Variants in GRID2 observed in about 807,000 individuals in gnomAD.
GRID2 encodes the protein glutamate receptor ionotropic, delta-2.
Under a neutral mutation model 114.8 loss-of-function variants are expected in GRID2, and 33 were observed. The observed-to-expected ratio is 0.29, with a 90% CI of 0.22 to 0.38. GRID2 has a LOEUF of 0.38. GRID2 is among the 10% of genes least tolerant of loss of function. The probability of loss-of-function intolerance (pLI) is 1.00; values close to 1 mark genes in which losing one functional copy is unlikely to be tolerated. For synonymous variants in GRID2, 505 were observed against 449.9 expected, an observed-to-expected ratio of 1.12 and a Z score of -1.55; for missense variants, 1,184 against 1,257.7, an observed-to-expected ratio of 0.94 and a Z score of 0.89.
At chr4:93,322,822 T>C (rs1429173596) in intron 8 of GRID2, among the ~76,000 whole-genome samples, 4 of 152,138 alleles carry the variant, frequency 2.6e-5, no homozygotes, top group Non-Finnish European at 4.4e-5. Context: ...TTTCATGTGT[T>C]TTTTGGCTGC....
At chr4:92,637,689 T>C (rs1357808347) in intron 2 of GRID2, among the ~76,000 whole-genome samples, 1 of 152,040 alleles carries the variant, frequency 6.6e-6, no homozygotes, top group African/African-American at 2.4e-5. Flanking sequence ...ACTTTAATCA[T>C]TGAACTTATT....
At chr4:93,723,391 C>G (rs1336602904) in intron 14 of GRID2, among the ~76,000 whole-genome samples, 1 of 152,142 alleles carries the variant, frequency 6.6e-6, no homozygotes. Flanking sequence ...CTGCATTTTA[C>G]AGACACAGGC....
intron 14 of GRID2, among the ~76,000 whole-genome samples, chr4:93,685,767 A>C (rs1317256160): frequency 6.6e-6 from 1 of 152,086 alleles, no homozygotes; most frequent in Admixed American, 6.6e-5. Flanking sequence ...ATAAGGGAGC[A>C]GACTCTAGAA....
chr4:92,492,506 A>G (rs866613182), intron 1 of GRID2, among the ~76,000 whole-genome samples: 2 of 152,216 alleles, frequency 1.3e-5, no homozygotes, highest in Non-Finnish European at 2.9e-5. Flanking sequence ...ATTGGTTAGC[A>G]TCCACATATT....
intron 2 of GRID2, among the ~76,000 whole-genome samples, chr4:92,791,765 C>A (rs1027924938): frequency 5.9e-5 from 9 of 151,766 alleles, no homozygotes; most frequent in African/African-American, 1.9e-4. Flanking sequence ...ACAGCAGTAA[C>A]CCTTTCTTTA....
At chr4:93,408,377 T>C (rs945415744) in intron 9 of GRID2, among the ~76,000 whole-genome samples, 2 of 152,120 alleles carry the variant, frequency 1.3e-5, no homozygotes, top group African/African-American at 4.8e-5. Flanking sequence ...TTTTCTTTTT[T>C]TTTTTAATCA....
At chr4:92,361,123 AGG>A (rs1728599206) in intron 1 of GRID2, among the ~76,000 whole-genome samples, 1 of 152,000 alleles carries the variant, frequency 6.6e-6, no homozygotes, top group South Asian at 2.1e-4. Flanking sequence ...CCATTAGGTT[AGG>A]TACTATTATT....
At chr4:92,722,598 G>A (rs549181532) in intron 2 of GRID2, among the ~76,000 whole-genome samples, 1 of 152,116 alleles carries the variant, frequency 6.6e-6, no homozygotes, top group East Asian at 1.9e-4. Context: ...AAGAAATAAG[G>A]AAAGTTTCAA....
chr4:93,004,172 C>T (rs1044893609), intron 2 of GRID2, among the ~76,000 whole-genome samples: 2 of 151,774 alleles, frequency 1.3e-5, no homozygotes, highest in African/African-American at 4.8e-5. Context: ...AGATTATGAA[C>T]CTGTATTACA....
intron 3 of GRID2, among the ~76,000 whole-genome samples, chr4:93,088,053 G>A (rs766980397): frequency 6.6e-6 from 1 of 152,216 alleles, no homozygotes; most frequent in Middle Eastern, 3.4e-3. Flanking sequence ...TATTGAAAAT[G>A]TATTTTGTAT....
intron 8 of GRID2, among the ~76,000 whole-genome samples, chr4:93,386,060 G>A (rs1764285528): frequency 6.6e-6 from 1 of 152,068 alleles, no homozygotes; most frequent in African/African-American, 2.4e-5. Flanking sequence ...AAAAAAATGT[G>A]TTTTCTCAAG....
intron 1 of GRID2, among the ~76,000 whole-genome samples, chr4:92,428,736 C>A (rs1245670135): frequency 3.9e-5 from 6 of 152,104 alleles, no homozygotes; most frequent in African/African-American, 1.4e-4. Context: ...CATTTCCTAT[C>A]TTTTAATGTT....
chr4:93,464,013 G>A (rs991259629), intron 11 of GRID2, among the ~76,000 whole-genome samples: 1 of 152,026 alleles, frequency 6.6e-6, no homozygotes, highest in South Asian at 2.1e-4. Flanking sequence ...AAACAAGCAG[G>A]TGCTATAGAT....
chr4:93,238,589 A>C, intron 8 of GRID2, 99 bp downstream of exon 8: 8 of 829,796 alleles, frequency 9.6e-6, no homozygotes, highest in East Asian at 3.5e-5. Flanking sequence ...TAAAGTCAAT[A>C]TTGTAGTGTG....
chr4:93,143,202 A>G (rs1208670875), intron 4 of GRID2, among the ~76,000 whole-genome samples: 1 of 152,246 alleles, frequency 6.6e-6, no homozygotes, highest in African/African-American at 2.4e-5. Context: ...ATGTTCTGCA[A>G]CTATAAATAT....
intron 2 of GRID2, among the ~76,000 whole-genome samples, chr4:92,964,499 T>A (rs1481912203): frequency 6.6e-6 from 1 of 151,884 alleles, no homozygotes; most frequent in Non-Finnish European, 1.5e-5. Flanking sequence ...TGTATACCTA[T>A]GTAACAAAAC....
chr4:92,717,365 G>A (rs992933570), intron 2 of GRID2, among the ~76,000 whole-genome samples: 41 of 152,156 alleles, frequency 2.7e-4, no homozygotes, highest in Non-Finnish European at 1.2e-4. Flanking sequence ...CAGTGCCAAA[G>A]AAATGTTAAG....
chr4:92,949,789 C>G (rs1037651034), intron 2 of GRID2, among the ~76,000 whole-genome samples: 2 of 151,730 alleles, frequency 1.3e-5, no homozygotes, highest in African/African-American at 2.4e-5. Flanking sequence ...TAGCTGTGCA[C>G]TAAGGCATGT....
intron 1 of GRID2, among the ~76,000 whole-genome samples, chr4:92,487,116 A>C (rs143877861): frequency 2.2e-4 from 34 of 152,034 alleles, no homozygotes; most frequent in African/African-American, 7.5e-4. Flanking sequence ...GATCTTTCCA[A>C]ATAACTTTAT....
Sources: gnomAD v4.1 joint callset for allele counts (sites outside exome capture counted in the v4.1 genomes callset) on GRCh38, gnomAD v4.1.1 for gene constraint, MANE v1.5 for transcripts, NCBI Gene and HGNC (gene_info 2026-07-23, HGNC 2026-07-21) for gene names.